The following PRX variants were observed in gnomAD, a reference collection of about 807,000 sequenced individuals.
PRX encodes the protein periaxin.
Under a neutral mutation model 29.6 loss-of-function variants are expected in PRX, and 24 were observed. The observed-to-expected ratio is 0.81, with a 90% CI of 0.59 to 1.14. The LOEUF is 1.14. PRX is among the 50% of genes most tolerant of loss of function. The pLI, the probability that PRX is intolerant of heterozygous loss-of-function variation, is 0.00. For synonymous variants in PRX, 772 were observed against 831.7 expected (o/e 0.93, Z 1.24); for missense variants, 1,838 against 1,926.4 (o/e 0.95, Z 0.86).
rs1555801711 is a variant in PRX at position 40,399,905 on chromosome 19, T to TTCTTTCTTTC, written c.185-1090_185-1089insGAAAGAAAGA. Reference sequence around the variant, plus strand: ...TTTCTTTCTTTCTTTCTTTCTTTCTTTTTCTTTCTTTCTTTCTTTCACCCA... The same window carrying TTCTTTCTTTC: ...TTTCTTTCTTTCTTTCTTTCTTTCTTTCTTTCTTTCTTTCTTTCTTTCTTTCTTTCACCCA... On this transcript the variant is annotated intron_variant, in intron 5 of 6. Transcript: ENST00000324001. Among the ~76,000 whole-genome samples, 16 of 74,030 alleles carry TTCTTTCTTTC rather than the reference T, an allele frequency of 2.2e-4. 1 individual carries two copies. The highest frequency in any genetic ancestry group is 1.0e-3 in the African/African-American group (16 of 15,466). 48.6% of individuals were successfully genotyped at this position (74,030 alleles called of 152,430 possible).
In PRX at chr19:40,393,803, G is replaced by T; in HGVS notation, c.*163C>A. On this transcript the variant is annotated 3_prime_UTR_variant, in exon 7 of 7. Transcript: ENST00000324001. ...TTATTTTATTCACATGGCTTGGTGG[G>T]GTACAGGCACTCCTGCCAGAGAGAC... 9.7e-7 allele frequency: 1 copy of T among 1,029,028 alleles called. No individual in the cohort carries two copies. The highest frequency in any genetic ancestry group is 2.5e-5 in the East Asian group (1 of 39,666). The allele number at this position is 1,029,028 out of a possible 1,614,324, so 63.7% of individuals were successfully genotyped here. A position where few individuals can be genotyped will look rare whatever the true frequency, so the allele number is the denominator to read the frequency against.
rs1283752580 is a variant in PRX at position 40,403,696 on chromosome 19, G to A, written c.184+10C>T. On this transcript the variant is annotated intron_variant, in intron 5 of 6. Transcript: ENST00000324001. Reference sequence around the variant, plus strand: ...AGTTCGACCCCGCCCCACACCCCGGGCCCGCCCACCTTCCTGCAGGCTGAG... The same window carrying A: ...AGTTCGACCCCGCCCCACACCCCGGACCCGCCCACCTTCCTGCAGGCTGAG... 1 of 1,543,952 alleles carries A rather than the reference G, an allele frequency of 6.5e-7. No homozygotes were observed. The highest frequency in any genetic ancestry group is 8.7e-7 in the Non-Finnish European group (1 of 1,144,242).
rs777974539 is a variant in PRX at position 40,394,398 on chromosome 19, C to T, written c.3954G>A (p.Glu1318=). ...LPRFGLVRAK[E]GAEEGEKAKS... ...TGGCCTTCTCACCCTCCTCGGCCCC[C>T]TCCTTGGCCCGCACCAGGCCAAACC... The change falls in exon 7 of 7, where the codon GAG becomes GAA. Residue 1318 remains glutamate (E), a synonymous_variant. Transcript: ENST00000324001. The surrounding 1 kb of genome is among the most constrained non-coding windows in gnomAD (Gnocchi z 5.8). 1 of 1,601,096 alleles carries T rather than the reference C, an allele frequency of 6.2e-7. No individual in the cohort carries two copies. Among genetic ancestry groups the T allele is most frequent in the South Asian group, 1.1e-5 (1 of 89,302 alleles).
At position 40,397,361 on chromosome 19, in the gene PRX, G is replaced by A. The variant is rs1218832738; in HGVS notation, c.991C>T (p.Pro331Ser). ...VVVPTLDVAA[P>S]TVGVDLALPG... Reference sequence around the variant, plus strand: ...AAGGCCAGGTCCACCCCCACAGTCGGTGCTGCCACATCCAGGGTGGGCACC... The same window carrying A: ...AAGGCCAGGTCCACCCCCACAGTCGATGCTGCCACATCCAGGGTGGGCACC... Residue 331 changes from proline (P) to serine (S), a missense_variant, in exon 7 of 7, where the codon CCG (proline) becomes TCG (serine). Pro to Ser is a moderately conservative substitution (Grantham distance 74). Coordinates refer to ENST00000324001, the MANE Select transcript of PRX (RefSeq NM_181882.3). 1.2e-6 allele frequency: 2 copies of A among 1,612,870 alleles called. No homozygotes were observed. Among genetic ancestry groups the A allele is most frequent in the Non-Finnish European group, 1.7e-6 (2 of 1,179,896 alleles).
rs973340128 is a variant in PRX, at chr19:40,398,875, G to A, written c.185-59C>T. On this transcript the variant is annotated intron_variant, in intron 5 of 6. Transcript: ENST00000324001. This position sits in a 1 kb window ranked among gnomAD's most constrained non-coding sequence, Gnocchi z 6.3. ...CATCTCCCGGCTCCGCCCGGGCCTA[G>A]TTCTGCCCACTTGCACGGAGCCCTC... is the stretch of plus-strand genomic sequence containing the variant. The A allele has an allele frequency of 4.3e-6, 7 of 1,611,506 alleles. No homozygotes were observed. Among genetic ancestry groups the A allele is most frequent in the East Asian group, 4.5e-5 (2 of 44,790 alleles).
At chr19:40,411,369 G>A (rs998732629) in intron 1 of PRX, among the ~76,000 whole-genome samples, 1 of 152,188 alleles carries the variant, frequency 6.6e-6, no homozygotes. Context: ...GTCGAGACTT[G>A]AGCCCAGGTG....
In PRX at chr19:40,394,247, C is replaced by T. The variant is rs758018253; in HGVS notation, c.4105G>A (p.Gly1369Ser). 4 of 1,608,202 alleles carry T rather than the reference C, an allele frequency of 2.5e-6. No homozygotes were observed. The East Asian group carries it at 9.0e-5, about 36-fold the overall frequency. Residue 1369 changes from glycine to serine, a missense_variant, in exon 7 of 7, where the codon GGT (glycine) becomes AGT (serine). Coordinates refer to ENST00000324001, the MANE Select transcript of PRX (RefSeq NM_181882.3). The surrounding 1 kb of genome is among the most constrained non-coding windows in gnomAD (Gnocchi z 5.8). ...CGGACCCGGACCCGGCCCCGGCGACCCGAGGCCCCTTCCCCACTGCCCTCT... is the reference window on the plus strand; with the variant it reads ...CGGACCCGGACCCGGCCCCGGCGACTCGAGGCCCCTTCCCCACTGCCCTCT... ...EEEGSGEGAS[G>S]RRGRVRVRLP...
rs2079433471 is a variant in PRX at position 40,396,167 on chromosome 19, G to T, written c.2185C>A (p.Leu729Ile). ...ACAGCCATCTCAGGCACCTTGGGGA[G>T]TTTTATCTCTGGGAGCTTCATGTCA... is the stretch of plus-strand genomic sequence containing the variant. ...VPDMKLPEIK[L>I]PKVPEMAVPD... The change falls in exon 7 of 7, where the codon CTC becomes ATC. Residue 729 changes from leucine (L) to isoleucine (I), a missense_variant. By Grantham distance (5) the Leu-to-Ile change is conservative (BLOSUM62 2). Transcript: ENST00000324001. The T allele has an allele frequency of 1.2e-6, 2 of 1,613,360 alleles. No homozygotes were observed. The highest frequency in any genetic ancestry group is 1.7e-6 in the Non-Finnish European group (2 of 1,179,616).
chr19:40,399,048 G>A (rs983928464), intron 5 of PRX, among the ~76,000 whole-genome samples: 1 of 150,634 alleles, frequency 6.6e-6, no homozygotes, highest in Non-Finnish European at 1.5e-5. Context: ...GCACCTTGTC[G>A]CTCCCCTACC....
At position 40,393,915 on chromosome 19, in the gene PRX, G is replaced by C; in HGVS notation, c.*51C>G. On this transcript the variant is annotated 3_prime_UTR_variant, in exon 7 of 7. Transcript: ENST00000324001. ...TGCTAGTTATCACACACACAACAGC[G>C]AGGGGGTAGAGAAAGGAAGGCAAGA... 6.2e-7 allele frequency: 1 copy of C among 1,601,620 alleles called. No homozygotes were observed. The highest frequency in any genetic ancestry group is 8.5e-7 in the Non-Finnish European group (1 of 1,179,506).
Position 40,398,725 on chromosome 19 carries a change from G to A in PRX, c.276C>T (p.Val92=), listed in dbSNP as rs1020760723. ...RLLQCAEPYK[V]SFCLKRTVPT... ...GCACAGTGCGCTTCAGGCAGAAGGA[G>A]ACTTTGTAAGGCTCGGCGCATTGCA... The change falls in exon 6 of 7, where the codon GTC becomes GTT. Residue 92 remains valine (V), a synonymous_variant. Transcript: ENST00000324001. The surrounding 1 kb of genome is among the most constrained non-coding windows in gnomAD (Gnocchi z 6.3). 4.3e-6 allele frequency: 7 copies of A among 1,613,996 alleles called. No individual in the cohort carries two copies. In the African/African-American group the frequency reaches 9.3e-5, roughly 22 times the overall value.
Position 40,393,883 on chromosome 19 carries a change from G to T in PRX, c.*83C>A. 1 of 1,594,880 alleles carries T rather than the reference G, an allele frequency of 6.3e-7. No individual in the cohort carries two copies. The highest frequency in any genetic ancestry group is 1.1e-5 in the South Asian group (1 of 90,746). ...AGTCACCCACCTCCCGGCCCTCTTA[G>T]GGTTAGTGCTAGTTATCACACACAC... On this transcript the variant is annotated 3_prime_UTR_variant, in exon 7 of 7. Coordinates refer to ENST00000324001, the MANE Select transcript of PRX (RefSeq NM_181882.3).
Position 40,397,334 on chromosome 19 carries a change from G to A in PRX, c.1018C>T (p.Pro340Ser). The change falls in exon 7 of 7, where the codon CCG (proline) becomes TCG (serine). Residue 340 changes from proline to serine, a missense_variant. By Grantham distance (74) the Pro-to-Ser change is moderately conservative. This residue lies in a region of PRX where 666 missense variants were observed against 665.0 expected (regional missense o/e 1.00). Coordinates refer to ENST00000324001, the MANE Select transcript of PRX (RefSeq NM_181882.3). The part of the protein sequence containing the change: ...APTVGVDLAL[P>S]GAEVEARGEA... ...CCCCGGGCCTCCACCTCTGCACCCG[G>A]CAAGGCCAGGTCCACCCCCACAGTC... is the stretch of plus-strand genomic sequence containing the variant. 1 of 1,613,036 alleles carries A rather than the reference G, an allele frequency of 6.2e-7. No homozygotes were observed. Among genetic ancestry groups the A allele is most frequent in the Non-Finnish European group, 8.5e-7 (1 of 1,179,940 alleles).
In PRX at chr19:40,397,835, C is replaced by T. The variant is rs1395772956; in HGVS notation, c.517G>A (p.Glu173Lys). 1 of 1,596,938 alleles carries T rather than the reference C, an allele frequency of 6.3e-7. No individual in the cohort carries two copies. Among genetic ancestry groups the T allele is most frequent in the Non-Finnish European group, 8.5e-7 (1 of 1,172,730 alleles). Residue 173 changes from glutamate (E) to lysine (K), a missense_variant, in exon 7 of 7, where the codon GAG becomes AAG. Glu to Lys is a moderately conservative substitution (Grantham distance 56). This residue lies in a region of PRX where 666 missense variants were observed against 665.0 expected (regional missense o/e 1.00). Transcript: ENST00000324001. Reference protein sequence around the residue: ...FSRLRRGLKAEAVKGPVPAAP... With the variant: ...FSRLRRGLKAKAVKGPVPAAP... ...GCCGGGACAGGACCCTTGACAGCCT[C>T]GGCTTTGAGGCCCCGACGCAGGCGG...
Position 40,395,437 on chromosome 19 carries a change from C to G in PRX, c.2915G>C (p.Gly972Ala). The change falls in exon 7 of 7, where the codon GGG becomes GCG. Residue 972 changes from glycine (G) to alanine (A), a missense_variant. Gly to Ala is a moderately conservative substitution (Grantham distance 60). This residue lies in a region of PRX where 1,143 missense variants were observed against 1,193.0 expected (regional missense o/e 0.96). Coordinates refer to ENST00000324001, the MANE Select transcript of PRX (RefSeq NM_181882.3). The stretch of plus-strand genomic sequence containing the variant: ...AGCCCCTTTGGCCTCAGCCTCAGCC[C>G]CCACCCGAGCCTTGGGGAGTGAGAT... ...FAISLPKARV[G>A]AEAEAKGAGE... The G allele has an allele frequency of 6.2e-7, 1 of 1,614,104 alleles. No homozygotes were observed. Among genetic ancestry groups the G allele is most frequent in the Non-Finnish European group, 8.5e-7 (1 of 1,180,026 alleles).
rs187786861 is a variant in PRX at position 40,396,813 on chromosome 19, C to T, written c.1539G>A (p.Pro513=). The change falls in exon 7 of 7, where the codon CCG becomes CCA. Residue 513 remains proline (P), a synonymous_variant. Coordinates refer to ENST00000324001, the MANE Select transcript of PRX (RefSeq NM_181882.3). The part of the protein sequence containing the change: ...KLPKVPEMAV[P]EVRLPEVQLL... ...GCTGTACCTCTGGAAGCCGCACCTC[C>T]GGCACAGCCATCTCTGGCACCTTTG... The T allele has an allele frequency of 1.2e-4, 191 of 1,610,422 alleles. 3 individuals are homozygous for T. In the South Asian group the frequency reaches 1.8e-3, roughly 15 times the overall value.
Position 40,395,052 on chromosome 19 carries a change from C to A in PRX, c.3300G>T (p.Glu1100Asp), listed in dbSNP as rs2079418595. The change falls in exon 7 of 7, where the codon GAG becomes GAT. Residue 1100 changes from glutamate to aspartate, a missense_variant. Physicochemically the swap from Glu to Asp is conservative, Grantham distance 45 (BLOSUM62 2). This residue lies in a region of PRX where 1,143 missense variants were observed against 1,193.0 expected (regional missense o/e 0.96). Coordinates refer to ENST00000324001, the MANE Select transcript of PRX (RefSeq NM_181882.3). The stretch of plus-strand genomic sequence containing the variant: ...CCTCCTGGGCGCCCAGCGTGACCAG[C>A]TCCACCTCGGGGATCTTAAGCTGCA... Reference protein sequence around the residue: ...TAVQLKIPEVELVTLGAQEEG... With the variant: ...TAVQLKIPEVDLVTLGAQEEG... 6.2e-7 allele frequency: 1 copy of A among 1,612,280 alleles called. No individual in the cohort carries two copies. Among genetic ancestry groups the A allele is most frequent in the African/African-American group, 1.3e-5 (1 of 74,944 alleles).
Position 40,398,580 on chromosome 19 carries a change from T to G in PRX, c.381+40A>C. 1 of 1,608,218 alleles carries G rather than the reference T, an allele frequency of 6.2e-7. No homozygotes were observed. Among genetic ancestry groups the G allele is most frequent in the Non-Finnish European group, 8.5e-7 (1 of 1,178,180 alleles). On this transcript the variant is annotated intron_variant, in intron 6 of 6. Transcript: ENST00000324001. The surrounding 1 kb of genome is among the most constrained non-coding windows in gnomAD (Gnocchi z 6.3). ...GCTCACGGCGCAGAGACCGGATCGC[T>G]GGGGCAGTCCAGGGCCGGGGCCGGG...
intron 1 of PRX, among the ~76,000 whole-genome samples, chr19:40,411,760 G>C (rs961682216): frequency 6.6e-6 from 1 of 152,164 alleles, no homozygotes; most frequent in African/African-American, 2.4e-5. Context: ...AGGGGAAAGA[G>C]GGGTGGGGAG....
Sources: allele counts gnomAD v4.1 joint callset (sites outside exome capture counted in the v4.1 genomes callset), GRCh38; gene constraint gnomAD v4.1.1; regional missense constraint gnomAD v4.1.1; non-coding constraint Gnocchi (gnomAD v3.1); transcripts MANE v1.5; gene names NCBI Gene and HGNC (gene_info 2026-07-23, HGNC 2026-07-21).